The following DOK5 variants were observed in gnomAD, a reference collection of about 807,000 sequenced individuals.
DOK5 encodes the protein docking protein 5.
Under a neutral mutation model 43.3 loss-of-function variants are expected in DOK5, and 27 were observed. That is an observed-to-expected ratio of 0.62 (90% confidence interval 0.46 to 0.86). The LOEUF (loss-of-function observed/expected upper bound fraction) is 0.86, where lower values mean the gene tolerates loss of function less well. Among genes scored for constraint, DOK5 ranks in the 40% least tolerant of loss-of-function variants. DOK5 has a pLI of 0.00. For synonymous variants in DOK5, 146 were observed against 140.1 expected (o/e 1.04, Z -0.30); for missense variants, 373 against 392.9 (o/e 0.95, Z 0.43).
chr20:54,576,705 C>T (rs1985464012), intron 2 of DOK5, among the ~76,000 whole-genome samples: 1 of 152,160 alleles, frequency 6.6e-6, no homozygotes, highest in Non-Finnish European at 1.5e-5. Flanking sequence ...ATTTGAGTGG[C>T]AGCCTGCGTG....
intron 1 of DOK5, among the ~76,000 whole-genome samples, chr20:54,494,041 T>A (rs1982296245): frequency 6.6e-6 from 1 of 152,258 alleles, no homozygotes; most frequent in African/African-American, 2.4e-5. Context: ...TATTTAAAAA[T>A]ACTTGTTTTG....
At chr20:54,646,292 C>T (rs574756069) in intron 7 of DOK5, among the ~76,000 whole-genome samples, 18 of 110,208 alleles carry the variant, frequency 1.6e-4, no homozygotes, top group Admixed American at 5.3e-4. Context: ...TCTGGCTCTT[C>T]GCCTAGGCTG....
intron 1 of DOK5, 126 bp from the exon 2 acceptor site, chr20:54,554,807 T>G (rs1984654937): frequency 3.1e-6 from 2 of 638,900 alleles, no homozygotes; most frequent in Non-Finnish European, 5.4e-6. Context: ...AAACTTTATT[T>G]TCACAAAGCA....
rs756349198 is a variant in DOK5, at chr20:54,588,701, G to A, written c.304G>A (p.Glu102Lys). Residue 102 changes from glutamate to lysine, a missense_variant, in exon 4 of 8, where the codon GAG (glutamate) becomes AAG (lysine). By Grantham distance (56) the Glu-to-Lys change is moderately conservative. Coordinates refer to ENST00000262593, the MANE Select transcript of DOK5 (RefSeq NM_018431.5). ...CATTTCCACAGATCTTGAGGCTGAT[G>A]AGTGGTGCAAAGTACTCCAGATGGA... ...FACESDLEAD[E>K]WCKVLQMECV... 1.2e-6 allele frequency: 2 copies of A among 1,614,116 alleles called. No homozygotes were observed. The highest frequency in any genetic ancestry group is 1.7e-6 in the Non-Finnish European group (2 of 1,179,972).
At chr20:54,611,597 G>GT (rs1236423991) in intron 6 of DOK5, among the ~76,000 whole-genome samples, 1 of 152,052 alleles carries the variant, frequency 6.6e-6, no homozygotes, top group African/African-American at 2.4e-5. Flanking sequence ...ATGTTCATGA[G>GT]TTTTTTCTTT....
intron 6 of DOK5, among the ~76,000 whole-genome samples, chr20:54,621,472 A>C (rs997172825): frequency 8.6e-5 from 13 of 151,896 alleles, no homozygotes; most frequent in African/African-American, 2.9e-4. Context: ...CGGGCAGATC[A>C]CTTGAGGTCA....
intron 2 of DOK5, among the ~76,000 whole-genome samples, chr20:54,572,332 TTG>T (rs1326307632): frequency 6.6e-6 from 1 of 152,048 alleles, no homozygotes; most frequent in Non-Finnish European, 1.5e-5. Context: ...GGCTAATTTT[TTG>T]TATTTCTTTA....
intron 6 of DOK5, among the ~76,000 whole-genome samples, chr20:54,628,419 A>C (rs1259023544): frequency 7.7e-6 from 1 of 129,146 alleles, no homozygotes; most frequent in Admixed American, 7.5e-5. Context: ...AAAAAAAAAA[A>C]AAAAAAAAAA....
At chr20:54,564,355 TG>T (rs1985019991) in intron 2 of DOK5, among the ~76,000 whole-genome samples, 1 of 152,170 alleles carries the variant, frequency 6.6e-6, no homozygotes, top group Admixed American at 6.5e-5. Context: ...GGCATGAACC[TG>T]GGACGCGGAG....
intron 6 of DOK5, among the ~76,000 whole-genome samples, chr20:54,617,572 T>G (rs1245353885): frequency 6.6e-6 from 1 of 152,066 alleles, no homozygotes; most frequent in Non-Finnish European, 1.5e-5. Flanking sequence ...CAAACCTTTT[T>G]CCTCCGCCTC....
chr20:54,495,749 G>C (rs527647931), intron 1 of DOK5, among the ~76,000 whole-genome samples: 1 of 152,260 alleles, frequency 6.6e-6, no homozygotes, highest in Admixed American at 6.5e-5. Context: ...GGGTATGATG[G>C]TGGGTGCCTG....
intron 1 of DOK5, among the ~76,000 whole-genome samples, chr20:54,478,928 G>A (rs1188296800): frequency 2.6e-5 from 4 of 152,064 alleles, no homozygotes; most frequent in Non-Finnish European, 5.9e-5. Context: ...AGGCATAAAT[G>A]TTTATGCAGC....
At chr20:54,544,235 G>A (rs1341643542) in intron 1 of DOK5, among the ~76,000 whole-genome samples, 1 of 152,122 alleles carries the variant, frequency 6.6e-6, no homozygotes, top group Non-Finnish European at 1.5e-5. Flanking sequence ...TACAAATGAA[G>A]GGTATATATG....
chr20:54,529,524 A>T lies in DOK5; in HGVS notation c.67-25409A>T, dbSNP rs1393432778. 4.8e-5 allele frequency among the ~76,000 whole-genome samples: 7 copies of T among 147,234 alleles called. No homozygotes were observed. In the East Asian group the frequency reaches 9.7e-4, roughly 20 times the overall value. On this transcript the variant is annotated intron_variant, in intron 1 of 7. Transcript: ENST00000262593. ...ATTTTGAATTTTACCCCCAACAACA[A>T]GTTTATAAGGGTGACTTTAAAAAAA...
chr20:54,561,725 G>A (rs540249041), intron 2 of DOK5, among the ~76,000 whole-genome samples: 2 of 152,192 alleles, frequency 1.3e-5, no homozygotes, highest in Admixed American at 6.5e-5. Flanking sequence ...GTGCGATCTC[G>A]GCTCACCGCA....
chr20:54,526,677 T>C (rs1177271786), intron 1 of DOK5, among the ~76,000 whole-genome samples: 2 of 152,206 alleles, frequency 1.3e-5, no homozygotes, highest in African/African-American at 4.8e-5. Context: ...AATTAAACTG[T>C]GTGTTTTTTT....
chr20:54,512,903 C>T (rs965065204), intron 1 of DOK5, among the ~76,000 whole-genome samples: 32 of 152,182 alleles, frequency 2.1e-4, no homozygotes, highest in East Asian at 9.7e-4. Context: ...AGAAATGTTG[C>T]GTCAACTCTT....
At chr20:54,642,248 G>A (rs1979156487) in intron 6 of DOK5, among the ~76,000 whole-genome samples, 1 of 152,046 alleles carries the variant, frequency 6.6e-6, no homozygotes, top group Admixed American at 6.6e-5. Context: ...TGATAATCTG[G>A]GGGACTAGAA....
chr20:54,642,290 C>T (rs959421761), intron 6 of DOK5, among the ~76,000 whole-genome samples: 1 of 152,104 alleles, frequency 6.6e-6, no homozygotes, highest in Non-Finnish European at 1.5e-5. Flanking sequence ...CTGCCAAAAG[C>T]CATTTCATCT....
Sources: gnomAD v4.1 joint callset for allele counts (sites outside exome capture counted in the v4.1 genomes callset) on GRCh38, gnomAD v4.1.1 for gene constraint, MANE v1.5 for transcripts, NCBI Gene and HGNC (gene_info 2026-07-23, HGNC 2026-07-21) for gene names.